The following MNAT1 variants were observed in gnomAD, a reference collection of about 807,000 sequenced individuals.
MNAT1 encodes the protein MNAT1 component of CDK activating kinase.
In MNAT1, 43 loss-of-function variants were observed where a neutral mutation model predicts 42.0. The ratio of observed to expected loss-of-function variants is 1.02; its 90% CI spans 0.80 to 1.32. The LOEUF (loss-of-function observed/expected upper bound fraction) is 1.32. Among genes scored for constraint, MNAT1 ranks in the 40% most tolerant of loss-of-function variants. MNAT1 has a pLI of 0.00. For missense variants in MNAT1, 306 were observed against 350.4 expected, an observed-to-expected ratio of 0.87 and a Z score of 1.01; for synonymous variants, 118 against 120.0, an observed-to-expected ratio of 0.98 and a Z score of 0.11.
intron 1 of MNAT1, among the ~76,000 whole-genome samples, chr14:60,738,197 A>G (rs1896363937): frequency 1.3e-5 from 2 of 151,468 alleles, no homozygotes; most frequent in South Asian, 2.1e-4. Context: ...CTTGCATTTT[A>G]AAAGATGTTT....
intron 7 of MNAT1, among the ~76,000 whole-genome samples, chr14:60,937,073 T>G (rs1286089416): frequency 1.3e-5 from 2 of 151,830 alleles, no homozygotes; most frequent in African/African-American, 4.8e-5. Flanking sequence ...TGATGGGGTT[T>G]TTTGTTTTTT....
chr14:60,849,987 G>A (rs1185574601), intron 6 of MNAT1, among the ~76,000 whole-genome samples: 2 of 151,774 alleles, frequency 1.3e-5, no homozygotes, highest in Non-Finnish European at 2.9e-5. Context: ...CAGGTGCCTG[G>A]CACCACACCA....
chr14:60,919,509 T>A (rs2035607062), intron 7 of MNAT1: 1 of 152,450 alleles, frequency 6.6e-6, no homozygotes, highest in African/African-American at 2.4e-5. Context: ...GAGGTCCAGG[T>A]ACAGCCACTG....
intron 1 of MNAT1, among the ~76,000 whole-genome samples, chr14:60,793,286 C>A (rs1181322952): frequency 6.6e-6 from 1 of 152,122 alleles, no homozygotes; most frequent in East Asian, 1.9e-4. Context: ...AAGTGACCTG[C>A]CTGCCTTGGC....
In MNAT1 at chr14:60,775,236, T is replaced by C. The variant is rs1283300870; in HGVS notation, c.90-20981T>C. Among the ~76,000 whole-genome samples, 5 of 152,176 alleles carry C rather than the reference T, an allele frequency of 3.3e-5. No individual in the cohort carries two copies. The East Asian group carries it at 9.6e-4, about 29-fold the overall frequency. ...CCAGATGGAGGAAGTGGTCAGTTAATGCTGCTAAGAGGTGGTATTGGATGA... is the reference window on the plus strand; with the variant it reads ...CCAGATGGAGGAAGTGGTCAGTTAACGCTGCTAAGAGGTGGTATTGGATGA... On this transcript the variant is annotated intron_variant, in intron 1 of 7. Transcript: ENST00000261245.
intron 7 of MNAT1, among the ~76,000 whole-genome samples, chr14:60,924,436 G>A (rs1176581631): frequency 6.7e-6 from 1 of 148,664 alleles, no homozygotes; most frequent in Non-Finnish European, 1.5e-5. Flanking sequence ...GCAAAACTGT[G>A]ATATAGATTA....
At chr14:60,801,777 A>G (rs2032208978) in intron 3 of MNAT1, among the ~76,000 whole-genome samples, 1 of 152,188 alleles carries the variant, frequency 6.6e-6, no homozygotes. Flanking sequence ...AAGTTCCTCA[A>G]ATACTAAAAA....
intron 1 of MNAT1, among the ~76,000 whole-genome samples, chr14:60,764,458 G>T (rs2030731813): frequency 1.1e-5 from 1 of 92,384 alleles, no homozygotes; most frequent in African/African-American, 4.3e-5. Flanking sequence ...CAAACAGCCA[G>T]AAGTTAATGG....
chr14:60,782,776 G>T (rs2031508777), intron 1 of MNAT1, among the ~76,000 whole-genome samples: 1 of 152,158 alleles, frequency 6.6e-6, no homozygotes, highest in South Asian at 2.1e-4. Flanking sequence ...TTTAAATAAG[G>T]AAAAGCAGGC....
chr14:60,930,380 G>A (rs1374788534), intron 7 of MNAT1, among the ~76,000 whole-genome samples: 3 of 151,954 alleles, frequency 2.0e-5, no homozygotes, highest in South Asian at 2.1e-4. Flanking sequence ...TGGCACAGAT[G>A]TTCTGAAATG....
intron 1 of MNAT1, among the ~76,000 whole-genome samples, chr14:60,773,705 T>C (rs1480457958): frequency 6.6e-6 from 1 of 152,226 alleles, no homozygotes; most frequent in African/African-American, 2.4e-5. Context: ...CTGCTGCTGA[T>C]TCCACTTGTC....
chr14:60,909,800 G>A (rs1189931372), intron 7 of MNAT1, among the ~76,000 whole-genome samples: 13 of 152,016 alleles, frequency 8.6e-5, no homozygotes, highest in African/African-American at 2.2e-4. Context: ...TTGACTTGGC[G>A]ATGCGGGCTC....
chr14:60,953,396 G>A (rs1438632690), intron 7 of MNAT1, among the ~76,000 whole-genome samples: 2 of 152,144 alleles, frequency 1.3e-5, no homozygotes, highest in African/African-American at 4.8e-5. Context: ...AGTAAAAGGG[G>A]AAAGATAGAA....
intron 6 of MNAT1, among the ~76,000 whole-genome samples, chr14:60,841,386 G>A (rs551135965): frequency 6.6e-6 from 1 of 151,546 alleles, no homozygotes; most frequent in Non-Finnish European, 1.5e-5. Context: ...TTAAAATTGT[G>A]TGTGTTTTTA....
intron 7 of MNAT1, among the ~76,000 whole-genome samples, chr14:60,893,822 T>C (rs919935530): frequency 2.0e-5 from 3 of 152,256 alleles, no homozygotes; most frequent in East Asian, 3.9e-4. Flanking sequence ...CTATAGTAGA[T>C]TGCCCTTGCT....
chr14:60,897,314 GTTTATA>G (rs2139498336), intron 7 of MNAT1, among the ~76,000 whole-genome samples: 1 of 152,034 alleles, frequency 6.6e-6, no homozygotes, highest in African/African-American at 2.4e-5. Flanking sequence ...AGCACTGCTA[GTTTATA>G]TTTATGTAAA....
At chr14:60,754,929 A>G (rs983357079) in intron 1 of MNAT1, among the ~76,000 whole-genome samples, 14 of 152,140 alleles carry the variant, frequency 9.2e-5, no homozygotes, top group African/African-American at 3.4e-4. Flanking sequence ...AAATACTTTC[A>G]CCTTGTTAAT....
intron 1 of MNAT1, among the ~76,000 whole-genome samples, chr14:60,756,081 A>G (rs368511155): frequency 6.6e-6 from 1 of 152,172 alleles, no homozygotes; most frequent in South Asian, 2.1e-4. Context: ...GGAAATGTAG[A>G]CTTTTTATTT....
intron 5 of MNAT1, among the ~76,000 whole-genome samples, chr14:60,815,876 T>G (rs2032699161): frequency 6.6e-6 from 1 of 152,200 alleles, no homozygotes. Flanking sequence ...TTAGATTTTG[T>G]TATGTTTATT....
Sources: allele counts gnomAD v4.1 joint callset (sites outside exome capture counted in the v4.1 genomes callset), GRCh38; gene constraint gnomAD v4.1.1; transcripts MANE v1.5; gene names NCBI Gene and HGNC (gene_info 2026-07-23, HGNC 2026-07-21).